The following SNTG2 variants were observed in gnomAD, a reference collection of about 807,000 sequenced individuals.
The protein encoded by SNTG2 is gamma-2-syntrophin.
In SNTG2, 74 loss-of-function variants were observed where a neutral mutation model predicts 70.9. The ratio of observed to expected loss-of-function variants is 1.04; its 90% confidence interval spans 0.86 to 1.27. The LOEUF (loss-of-function observed/expected upper bound fraction) is 1.27. SNTG2 is among the 50% of genes most tolerant of loss of function. The pLI is 0.00. For missense variants in SNTG2, 717 were observed against 690.7 expected, an observed-to-expected ratio of 1.04 and a Z score of -0.43; for synonymous variants, 278 against 273.8, an observed-to-expected ratio of 1.02 and a Z score of -0.15.
At chr2:1,279,109 C>A (rs1383803435) in intron 14 of SNTG2, among the ~76,000 whole-genome samples, 1 of 147,490 alleles carries the variant, frequency 6.8e-6, no homozygotes, top group African/African-American at 2.5e-5. Flanking sequence ...TCACCCCTGT[C>A]AGCGCGCGAA....
At chr2:955,351 A>G (rs1660107236) in intron 1 of SNTG2, among the ~76,000 whole-genome samples, 2 of 152,242 alleles carry the variant, frequency 1.3e-5, no homozygotes, top group South Asian at 4.1e-4. Context: ...GAATCGTGTT[A>G]TTATAAAAAC....
rs551313212 is a variant in SNTG2, at chr2:987,987, G to A, written c.72+36919G>A. Among the ~76,000 whole-genome samples the A allele has an allele frequency of 2.0e-5, 3 of 152,332 alleles. No homozygotes were observed. In the South Asian group the frequency reaches 6.2e-4, roughly 32 times the overall value. On this transcript the variant is annotated intron_variant, in intron 1 of 16. Coordinates refer to ENST00000308624, the MANE Select transcript of SNTG2 (RefSeq NM_018968.4). Reference sequence around the variant, plus strand: ...CAGGCCGCTCGGCTGCCCAGATGCAGCTTCTTCCTGCCCTCAGCCTCGCCC... The same window carrying A: ...CAGGCCGCTCGGCTGCCCAGATGCAACTTCTTCCTGCCCTCAGCCTCGCCC...
At chr2:995,205 CAG>C (rs1332355142) in intron 1 of SNTG2, among the ~76,000 whole-genome samples, 1 of 152,016 alleles carries the variant, frequency 6.6e-6, no homozygotes, top group African/African-American at 2.4e-5. Flanking sequence ...GGATTTTCCA[CAG>C]ATAACTTTTA....
intron 10 of SNTG2, among the ~76,000 whole-genome samples, chr2:1,238,476 A>T (rs921090017): frequency 6.6e-6 from 1 of 152,248 alleles, no homozygotes; most frequent in African/African-American, 2.4e-5. Flanking sequence ...TTACTTCTCA[A>T]ATTTGTACTG....
intron 8 of SNTG2, among the ~76,000 whole-genome samples, chr2:1,201,304 A>C (rs915945550): frequency 2.6e-5 from 4 of 151,982 alleles, no homozygotes; most frequent in African/African-American, 9.7e-5. Flanking sequence ...CAGAAAGACA[A>C]ATATCACATG....
chr2:1,286,686 G>A (rs1246174521), intron 14 of SNTG2, among the ~76,000 whole-genome samples: 1 of 152,168 alleles, frequency 6.6e-6, no homozygotes, highest in Non-Finnish European at 1.5e-5. Context: ...TTCCATGATG[G>A]AAGAGGTCCA....
intron 4 of SNTG2, among the ~76,000 whole-genome samples, chr2:1,131,739 C>A (rs982375808): frequency 5.9e-5 from 9 of 152,004 alleles, no homozygotes; most frequent in African/African-American, 2.2e-4. Flanking sequence ...GCAACCTCCA[C>A]CTCCCGGGTT....
intron 1 of SNTG2, among the ~76,000 whole-genome samples, chr2:1,081,848 C>G (rs1664318908): frequency 6.6e-6 from 1 of 152,234 alleles, no homozygotes; most frequent in South Asian, 2.1e-4. Context: ...TGCAGTTTTA[C>G]TTATGCTGGG....
intron 1 of SNTG2, among the ~76,000 whole-genome samples, chr2:975,365 T>C (rs1308707108): frequency 6.6e-6 from 1 of 151,334 alleles, no homozygotes; most frequent in African/African-American, 2.4e-5. Context: ...CTCACACCTG[T>C]GAGCAAACAA....
intron 16 of SNTG2, among the ~76,000 whole-genome samples, chr2:1,338,088 A>G (rs1659908382): frequency 6.6e-6 from 1 of 152,188 alleles, no homozygotes; most frequent in Non-Finnish European, 1.5e-5. Flanking sequence ...ATACCAGTAC[A>G]GTGTTTTGAT....
At chr2:1,052,987 C>G (rs1255955379) in intron 1 of SNTG2, among the ~76,000 whole-genome samples, 1 of 152,332 alleles carries the variant, frequency 6.6e-6, no homozygotes, top group South Asian at 2.1e-4. Flanking sequence ...TGTTGCTAAA[C>G]TTTTCAGGAG....
intron 15 of SNTG2, among the ~76,000 whole-genome samples, chr2:1,309,114 C>G (rs1680853753): frequency 6.6e-6 from 1 of 152,156 alleles, no homozygotes; most frequent in South Asian, 2.1e-4. Flanking sequence ...AAAACCTACT[C>G]TCTGTGTTAA....
At chr2:1,061,451 T>C (rs1381694603) in intron 1 of SNTG2, among the ~76,000 whole-genome samples, 1 of 152,218 alleles carries the variant, frequency 6.6e-6, no homozygotes, top group African/African-American at 2.4e-5. Context: ...GCAAACAGCT[T>C]TCCGAGGTTG....
chr2:1,029,935 T>G (rs1386012460), intron 1 of SNTG2, among the ~76,000 whole-genome samples: 3 of 152,182 alleles, frequency 2.0e-5, no homozygotes, highest in African/African-American at 7.2e-5. Flanking sequence ...CATCTTACGT[T>G]CCTGTATCAT....
chr2:1,063,822 A>T (rs1044535978), intron 1 of SNTG2, among the ~76,000 whole-genome samples: 1 of 152,222 alleles, frequency 6.6e-6, no homozygotes, highest in Non-Finnish European at 1.5e-5. Context: ...GGATAATAGC[A>T]GAGTCCGACT....
chr2:1,110,673 C>T (rs568427807), intron 4 of SNTG2, among the ~76,000 whole-genome samples: 10 of 152,346 alleles, frequency 6.6e-5, no homozygotes, highest in Non-Finnish European at 1.2e-4. Flanking sequence ...GGCATCCGCT[C>T]CTCACACCGC....
chr2:1,202,334 T>C (rs959420006), intron 8 of SNTG2, among the ~76,000 whole-genome samples: 3 of 151,978 alleles, frequency 2.0e-5, no homozygotes, highest in Non-Finnish European at 4.4e-5. Context: ...ATTTGTGAAG[T>C]GAGGTATAGG....
chr2:955,583 G>A (rs1349436941), intron 1 of SNTG2, among the ~76,000 whole-genome samples: 1 of 152,188 alleles, frequency 6.6e-6, no homozygotes, highest in Non-Finnish European at 1.5e-5. Context: ...CAAATCCTGT[G>A]CAAGAATTAA....
rs556693873 is a variant in SNTG2 at position 1,208,646 on chromosome 2, A to G, written c.592-457A>G. 2.0e-5 allele frequency among the ~76,000 whole-genome samples: 3 copies of G among 152,250 alleles called. No homozygotes were observed. In the South Asian group the frequency reaches 6.2e-4, roughly 32 times the overall value. On this transcript the variant is annotated intron_variant, in intron 8 of 16. Transcript: ENST00000308624. The stretch of plus-strand genomic sequence containing the variant: ...ATCTGGGCCCGGCTCTGACCACAGC[A>G]CAGAGTCGTTGCTACCGATAACAAG...
Sources: gnomAD v4.1 joint callset for allele counts (sites outside exome capture counted in the v4.1 genomes callset) on GRCh38, gnomAD v4.1.1 for gene constraint, MANE v1.5 for transcripts, NCBI Gene and HGNC (gene_info 2026-07-23, HGNC 2026-07-21) for gene names.